Variants in RALYL observed in about 807,000 individuals in gnomAD.
The protein encoded by RALYL is RNA-binding Raly-like protein.
In RALYL, 29 loss-of-function variants were observed where a neutral mutation model predicts 35.1. That is an observed-to-expected ratio of 0.83 (90% CI 0.61 to 1.13). RALYL has a LOEUF of 1.13. Ranked by LOEUF, RALYL falls within the 50% of genes most tolerant of loss-of-function variation. The probability of loss-of-function intolerance (pLI) is 0.00; values close to 1 mark genes in which losing one functional copy is unlikely to be tolerated. For synonymous variants in RALYL, 120 were observed against 127.6 expected (o/e 0.94, Z 0.40); for missense variants, 359 against 360.4 (o/e 1.00, Z 0.03).
Position 84,214,256 on chromosome 8 carries a change from G to T in RALYL, c.-24+29832G>T, listed in dbSNP as rs533569894. ...ATGAAAATTGATAAGTTGCATATAAGGAATTGGTATCATTTCATATACATA... is the reference window on the plus strand; with the variant it reads ...ATGAAAATTGATAAGTTGCATATAATGAATTGGTATCATTTCATATACATA... On this transcript the variant is annotated intron_variant, in intron 1 of 8. Transcript: ENST00000521268. 2.6e-5 allele frequency among the ~76,000 whole-genome samples: 4 copies of T among 152,084 alleles called. No homozygotes were observed. The South Asian group carries it at 8.3e-4, about 32-fold the overall frequency.
chr8:84,419,785 G>C (rs1445114279), intron 1 of RALYL, among the ~76,000 whole-genome samples: 7 of 147,112 alleles, frequency 4.8e-5, no homozygotes, highest in Non-Finnish European at 8.9e-5. Context: ...CTATGAGTGA[G>C]AATATGCGGT....
chr8:84,610,931 G>T (rs551241583), intron 2 of RALYL, among the ~76,000 whole-genome samples: 1 of 150,632 alleles, frequency 6.6e-6, no homozygotes, highest in African/African-American at 2.4e-5. Context: ...GGCAGTACAA[G>T]ATGCTCCAGG....
At chr8:84,386,281 G>A (rs1859179883) in intron 1 of RALYL, among the ~76,000 whole-genome samples, 1 of 151,620 alleles carries the variant, frequency 6.6e-6, no homozygotes, top group African/African-American at 2.4e-5. Flanking sequence ...TTTCTCCTTT[G>A]TTAGAATTTA....
intron 2 of RALYL, among the ~76,000 whole-genome samples, chr8:84,641,862 C>T (rs551438000): frequency 8.0e-5 from 12 of 150,310 alleles, no homozygotes; most frequent in African/African-American, 2.9e-4. Context: ...ACCTTTATGC[C>T]AAAACATTGA....
At chr8:84,737,469 C>T (rs1847523640) in intron 2 of RALYL, among the ~76,000 whole-genome samples, 1 of 151,890 alleles carries the variant, frequency 6.6e-6, no homozygotes, top group African/African-American at 2.4e-5. Flanking sequence ...TTATTTTACA[C>T]ATTTATATAA....
At chr8:84,437,510 C>A (rs1339952416) in intron 1 of RALYL, among the ~76,000 whole-genome samples, 1 of 152,152 alleles carries the variant, frequency 6.6e-6, no homozygotes, top group East Asian at 1.9e-4. Context: ...GCAGCCTCAC[C>A]AGCATCTGTT....
chr8:84,395,357 T>C (rs1447493133), intron 1 of RALYL, among the ~76,000 whole-genome samples: 1 of 151,920 alleles, frequency 6.6e-6, no homozygotes, highest in Non-Finnish European at 1.5e-5. Context: ...AAAACATAAA[T>C]TTTTCCTTGT....
intron 1 of RALYL, among the ~76,000 whole-genome samples, chr8:84,389,971 G>C (rs1860232401): frequency 6.6e-6 from 1 of 151,762 alleles, no homozygotes; most frequent in African/African-American, 2.4e-5. Flanking sequence ...TATGATATTG[G>C]CTGTGGGTTT....
At chr8:84,303,581 A>C (rs535793860) in intron 1 of RALYL, among the ~76,000 whole-genome samples, 1 of 152,298 alleles carries the variant, frequency 6.6e-6, no homozygotes, top group African/African-American at 2.4e-5. Context: ...GGTATTTAGG[A>C]GTCTTTCATT....
chr8:84,311,090 A>AAAAAAAAAAAAAAAAAAAAAAAAAT (rs1554614840), intron 1 of RALYL, among the ~76,000 whole-genome samples: 2 of 99,720 alleles, frequency 2.0e-5, no homozygotes, highest in African/African-American at 7.2e-5. Context: ...AAAAAAAAAA[A>AAAAAAAAAAAAAAAAAAAAAAAAAT]ATGTATATTA....
Position 84,512,193 on chromosome 8 carries a change from C to T in RALYL, c.-23-17106C>T, listed in dbSNP as rs183760620. Among the ~76,000 whole-genome samples the T allele has an allele frequency of 4.5e-3, 684 of 152,150 alleles. 6 individuals carry two copies. Among genetic ancestry groups the T allele is most frequent in the Non-Finnish European group, 4.2e-3 (286 of 67,978 alleles). On this transcript the variant is annotated intron_variant, in intron 1 of 8. Coordinates refer to ENST00000521268, the MANE Select transcript of RALYL (RefSeq NM_173848.7). ...AAGAGTTCCCTTTTCTACACATCTT[C>T]ATCAGCATCTATTTTTTGTTGTTGT...
intron 1 of RALYL, among the ~76,000 whole-genome samples, chr8:84,214,727 C>T (rs1820362192): frequency 1.3e-5 from 2 of 151,960 alleles, no homozygotes; most frequent in Admixed American, 1.3e-4. Context: ...GTCATGTTAC[C>T]AGTGTCTGTT....
chr8:84,660,041 G>A (rs1229237726), intron 2 of RALYL, among the ~76,000 whole-genome samples: 1 of 152,116 alleles, frequency 6.6e-6, no homozygotes, highest in Non-Finnish European at 1.5e-5. Flanking sequence ...TTGAAGAATA[G>A]TAGAAGTATC....
chr8:84,597,858 G>T (rs1160893558), intron 2 of RALYL, among the ~76,000 whole-genome samples: 1 of 152,126 alleles, frequency 6.6e-6, no homozygotes, highest in East Asian at 1.9e-4. Context: ...AGAGATCATA[G>T]AATCCATGAA....
intron 2 of RALYL, among the ~76,000 whole-genome samples, chr8:84,693,326 G>A (rs771833696): frequency 2.6e-5 from 4 of 151,586 alleles, no homozygotes; most frequent in Non-Finnish European, 5.9e-5. Context: ...ATGCAGAAGG[G>A]GAAGCAAACA....
In RALYL at chr8:84,433,112, C is replaced by G. The variant is rs572549845; in HGVS notation, c.-23-96187C>G. ...TGGGGAAGTCTGTGCTTATGGGAAA[C>G]TTTTAAAAACATCAAACACTTCCTG... On this transcript the variant is annotated intron_variant, in intron 1 of 8. Coordinates refer to ENST00000521268, the MANE Select transcript of RALYL (RefSeq NM_173848.7). 4.6e-5 allele frequency among the ~76,000 whole-genome samples: 7 copies of G among 152,148 alleles called. No homozygotes were observed. In the South Asian group the frequency reaches 1.4e-3, roughly 32 times the overall value.
intron 1 of RALYL, among the ~76,000 whole-genome samples, chr8:84,382,427 T>C (rs1018172605): frequency 6.6e-6 from 1 of 151,754 alleles, no homozygotes; most frequent in Non-Finnish European, 1.5e-5. Context: ...AGCAGATTGT[T>C]CTGTGATGAC....
intron 1 of RALYL, among the ~76,000 whole-genome samples, chr8:84,502,250 A>C (rs1053927053): frequency 2.0e-5 from 3 of 152,060 alleles, no homozygotes; most frequent in African/African-American, 7.2e-5. Flanking sequence ...ATGACTATAT[A>C]ATATCTTGTG....
In RALYL at chr8:84,186,012, T is replaced by C. The variant is rs145921322; in HGVS notation, c.-24+1588T>C. Among the ~76,000 whole-genome samples the C allele has an allele frequency of 2.6e-5, 4 of 152,332 alleles. No homozygotes were observed. The East Asian group carries it at 5.8e-4, about 22-fold the overall frequency. ...CTGGAAAGTTGTATATATTTTTTAT[T>C]CACAACTCATGCAAGTATCTCAAAA... On this transcript the variant is annotated intron_variant, in intron 1 of 8. Transcript: ENST00000521268.
Sources: allele counts gnomAD v4.1 joint callset (sites outside exome capture counted in the v4.1 genomes callset), GRCh38; gene constraint gnomAD v4.1.1; transcripts MANE v1.5; gene names NCBI Gene and HGNC (gene_info 2026-07-23, HGNC 2026-07-21).